The following GRID2 variants were observed in gnomAD, a reference collection of about 807,000 sequenced individuals.
GRID2 encodes glutamate ionotropic receptor delta type subunit 2, also known as glutamate receptor ionotropic, delta-2.
A neutral mutation model predicts 114.8 loss-of-function variants in GRID2; 33 were observed. That is an observed-to-expected ratio of 0.29 (90% CI 0.22 to 0.38). The LOEUF (loss-of-function observed/expected upper bound fraction) is 0.38. GRID2 is among the 10% of genes least tolerant of loss of function. The pLI, the probability that GRID2 is intolerant of heterozygous loss-of-function variation, is 1.00. For synonymous variants in GRID2, 505 were observed against 449.9 expected (o/e 1.12, Z -1.55); for missense variants, 1,184 against 1,257.7 (o/e 0.94, Z 0.89).
intron 1 of GRID2, among the ~76,000 whole-genome samples, chr4:92,310,787 T>C (rs1725662177): frequency 6.6e-6 from 1 of 151,968 alleles, no homozygotes; most frequent in South Asian, 2.1e-4. Context: ...TGGAGAACAA[T>C]TGCTATATTT....
At chr4:92,789,557 G>A (rs1578193780) in intron 2 of GRID2, among the ~76,000 whole-genome samples, 1 of 151,464 alleles carries the variant, frequency 6.6e-6, no homozygotes, top group East Asian at 2.0e-4. Flanking sequence ...CGGATCTATT[G>A]TACTGTTTAC....
chr4:92,779,928 A>T (rs749365811), intron 2 of GRID2, among the ~76,000 whole-genome samples: 7 of 152,152 alleles, frequency 4.6e-5, no homozygotes, highest in Non-Finnish European at 8.8e-5. Flanking sequence ...CTAGTTTGGA[A>T]TAATTAAGAT....
At chr4:93,545,685 T>C (rs1303392045) in intron 13 of GRID2, among the ~76,000 whole-genome samples, 1 of 152,234 alleles carries the variant, frequency 6.6e-6, no homozygotes, top group Non-Finnish European at 1.5e-5. Flanking sequence ...AAATCAGCTA[T>C]GGTGGTCTTT....
chr4:93,082,558 T>A (rs572902794), intron 2 of GRID2, among the ~76,000 whole-genome samples: 1 of 152,148 alleles, frequency 6.6e-6, no homozygotes, highest in African/African-American at 2.4e-5. Context: ...CTCAAAATAG[T>A]GTTCCAGGAT....
intron 14 of GRID2, among the ~76,000 whole-genome samples, chr4:93,653,053 G>T (rs1003740972): frequency 3.7e-4 from 57 of 152,134 alleles, no homozygotes; most frequent in Non-Finnish European, 1.3e-4. Context: ...AAGTCACTCT[G>T]GCTGCAGTGT....
chr4:92,553,721 G>A (rs1975633), intron 1 of GRID2, among the ~76,000 whole-genome samples: 94 of 151,924 alleles, frequency 6.2e-4, no homozygotes, highest in African/African-American at 2.2e-3. Context: ...GTGCAATCTC[G>A]GCTCACTGCA....
chr4:93,131,145 ATTTTTTTTTT>A (rs34215461), intron 4 of GRID2, among the ~76,000 whole-genome samples: 2 of 88,748 alleles, frequency 2.3e-5, no homozygotes, highest in Non-Finnish European at 4.0e-5. Context: ...AGATTAAATA[ATTTTTTTTTT>A]TTTTTTTTTT....
At chr4:93,027,333 A>G (rs1723973460) in intron 2 of GRID2, among the ~76,000 whole-genome samples, 1 of 152,128 alleles carries the variant, frequency 6.6e-6, no homozygotes, top group African/African-American at 2.4e-5. Context: ...ACTAACTTCA[A>G]CATTCTCAAA....
intron 2 of GRID2, among the ~76,000 whole-genome samples, chr4:93,005,998 A>G (rs1578731901): frequency 2.0e-5 from 3 of 151,868 alleles, no homozygotes; most frequent in Non-Finnish European, 2.9e-5. Context: ...TTGCTTTTCT[A>G]TTTGCTTGGA....
intron 1 of GRID2, among the ~76,000 whole-genome samples, chr4:92,398,852 A>G (rs1730636504): frequency 6.6e-6 from 1 of 152,204 alleles, no homozygotes; most frequent in Admixed American, 6.5e-5. Flanking sequence ...ATAATTTAAT[A>G]GGCATGTTAT....
intron 1 of GRID2, among the ~76,000 whole-genome samples, chr4:92,561,909 G>A (rs1727121518): frequency 6.6e-6 from 1 of 152,092 alleles, no homozygotes; most frequent in Non-Finnish European, 1.5e-5. Flanking sequence ...CGTGATTCTG[G>A]TGGTGCTGTG....
chr4:92,614,971 T>A (rs1278818065), intron 2 of GRID2, among the ~76,000 whole-genome samples: 2 of 151,376 alleles, frequency 1.3e-5, no homozygotes, highest in Admixed American at 6.6e-5. Context: ...AGTAACCTCA[T>A]TTACCTTAAA....
At chr4:93,433,466 A>T (rs1019167695) in intron 10 of GRID2, among the ~76,000 whole-genome samples, 1 of 152,186 alleles carries the variant, frequency 6.6e-6, no homozygotes, top group Non-Finnish European at 1.5e-5. Context: ...ATAACAAAAA[A>T]CAGGTTCCTT....
intron 14 of GRID2, among the ~76,000 whole-genome samples, chr4:93,657,531 AACATGCAC>A (rs1486546385): frequency 1.3e-5 from 2 of 152,172 alleles, no homozygotes; most frequent in East Asian, 1.9e-4. Flanking sequence ...CCTGGATAAA[AACATGCAC>A]ACATGCACAC....
At chr4:93,351,140 A>G (rs1391266887) in intron 8 of GRID2, among the ~76,000 whole-genome samples, 2 of 152,096 alleles carry the variant, frequency 1.3e-5, no homozygotes, top group Non-Finnish European at 2.9e-5. Flanking sequence ...ATTACAATTA[A>G]AGGTGAGATT....
chr4:92,970,718 G>A (rs1348936930), intron 2 of GRID2, among the ~76,000 whole-genome samples: 1 of 151,848 alleles, frequency 6.6e-6, no homozygotes, highest in East Asian at 1.9e-4. Flanking sequence ...CTGATATAAA[G>A]CTAACTGATA....
chr4:92,991,887 A>G (rs929081225), intron 2 of GRID2, among the ~76,000 whole-genome samples: 1 of 152,208 alleles, frequency 6.6e-6, no homozygotes, highest in Non-Finnish European at 1.5e-5. Context: ...TTACCACATT[A>G]CAGGATACAT....
intron 2 of GRID2, among the ~76,000 whole-genome samples, chr4:92,707,903 T>A (rs983212762): frequency 1.3e-5 from 2 of 152,144 alleles, no homozygotes; most frequent in African/African-American, 4.8e-5. Flanking sequence ...AAATCAGAAT[T>A]ATTCTGCAGA....
chr4:93,033,134 T>C (rs1417422480), intron 2 of GRID2, among the ~76,000 whole-genome samples: 1 of 152,158 alleles, frequency 6.6e-6, no homozygotes, highest in Non-Finnish European at 1.5e-5. Context: ...AATTTGTCCC[T>C]GTGGAGAGTT....
Sources: allele counts gnomAD v4.1 joint callset (sites outside exome capture counted in the v4.1 genomes callset), GRCh38; gene constraint gnomAD v4.1.1; transcripts MANE v1.5; gene names NCBI Gene and HGNC (gene_info 2026-07-23, HGNC 2026-07-21).